COX7A2: variants seen among roughly 807,000 people sequenced by gnomAD.
COX7A2 encodes the protein cytochrome c oxidase subunit 7A2, mitochondrial.
COX7A2 carries 11 observed loss-of-function variants against 11.6 expected under a neutral mutation model. That is an observed-to-expected ratio of 0.95 (90% CI 0.60 to 1.57). The LOEUF (loss-of-function observed/expected upper bound fraction) is 1.57. COX7A2 is among the 40% of genes most tolerant of loss of function. The pLI is 0.00. For synonymous variants in COX7A2, 30 were observed against 38.2 expected (o/e 0.78, Z 0.79); for missense variants, 106 against 100.9 (o/e 1.05, Z -0.22).
chr6:75,248,081 C>CTTTTTTTTTTTTTTTTTT (rs905344722), upstream of COX7A2, among the ~76,000 whole-genome samples: 2 of 10,676 alleles, frequency 1.9e-4, 1 homozygote, highest in African/African-American at 6.0e-4. Context: ...CATCCTTTAT[C>CTTTTTTTTTTTTTTTTTT]TTTTTTTTTT....
At chr6:75,240,552 T>C in intron 2 of COX7A2, 167 bp from the exon 3 acceptor site, 1 of 494,776 alleles carries the variant, frequency 2.0e-6, no homozygotes, top group Non-Finnish European at 3.5e-6. Context: ...ATTCCGTCTC[T>C]ACTACTACTA....
chr6:75,245,252 G>A (rs954953938), upstream of COX7A2, among the ~76,000 whole-genome samples: 1 of 152,216 alleles, frequency 6.6e-6, no homozygotes, highest in Non-Finnish European at 1.5e-5. Flanking sequence ...AGTACTTTGG[G>A]AGGCCGAGGC....
upstream of COX7A2, among the ~76,000 whole-genome samples, chr6:75,246,420 A>C (rs773119370): frequency 6.6e-6 from 1 of 152,206 alleles, no homozygotes; most frequent in Non-Finnish European, 1.5e-5. Flanking sequence ...TATCTCCAAC[A>C]GTACTACTAC....
At chr6:75,245,953 G>T (rs960504540), upstream of COX7A2, among the ~76,000 whole-genome samples, 6 of 152,174 alleles carry the variant, frequency 3.9e-5, no homozygotes, top group African/African-American at 1.4e-4. Flanking sequence ...CTCCTTCGGT[G>T]GTTCTCCTAT....
chr6:75,246,865 C>T (rs946844414), upstream of COX7A2, among the ~76,000 whole-genome samples: 30 of 152,298 alleles, frequency 2.0e-4, no homozygotes, highest in African/African-American at 7.0e-4. Flanking sequence ...TGCATCTTCC[C>T]AGGCACACCA....
upstream of COX7A2, among the ~76,000 whole-genome samples, chr6:75,246,854 T>C (rs76930599): frequency 2.6e-5 from 4 of 152,320 alleles, no homozygotes; most frequent in African/African-American, 9.6e-5. Context: ...ACAAACTTTA[T>C]TGCATCTTCC....
chr6:75,250,202 T>C (rs372278417), exon 1 of COX7A2: 3 of 152,224 alleles, frequency 2.0e-5, no homozygotes, highest in East Asian at 1.9e-4. Context: ...GGTTAATTCA[T>C]TATTAACCTT....
In COX7A2 at chr6:75,238,033, T is replaced by C. The variant is rs774891152; in HGVS notation, c.194-45A>G. 3.1e-6 allele frequency: 4 copies of C among 1,303,240 alleles called. No individual in the cohort carries two copies. The African/African-American group carries it at 5.8e-5, about 19-fold the overall frequency. The allele number at this position is 1,303,240 out of a possible 1,614,324, so 80.7% of individuals were successfully genotyped here. A position where few individuals can be genotyped will look rare whatever the true frequency, so the allele number is the denominator to read the frequency against. On this transcript the variant is annotated intron_variant, in intron 3 of 3. Transcript: ENST00000684430. ...AAGAACTTAACCATAAATTCTAAGA[T>C]CTAAGTGTATAAATTTAATATTCCA...
chr6:75,249,048 G>A (rs1384975174), intron 1 of COX7A2, among the ~76,000 whole-genome samples: 2 of 152,174 alleles, frequency 1.3e-5, no homozygotes, highest in African/African-American at 2.4e-5. Context: ...ACGAGGTCAA[G>A]AGATCGAGAC....
At chr6:75,243,391 G>A (rs1489060117) in intron 1 of COX7A2, among the ~76,000 whole-genome samples, 1 of 152,002 alleles carries the variant, frequency 6.6e-6, no homozygotes, top group Non-Finnish European at 1.5e-5. Flanking sequence ...CCCCACCTGG[G>A]TCTTGGTTTT....
Position 75,241,205 on chromosome 6 carries a change from T to C in COX7A2, c.79A>G (p.Lys27Glu). The change falls in exon 2 of 4, where the codon AAA (lysine) becomes GAA (glutamate). Residue 27 changes from lysine (K) to glutamate (E), a missense_variant. Lys to Glu is a moderately conservative substitution (Grantham distance 56). Coordinates refer to ENST00000684430, the MANE Select transcript of COX7A2 (RefSeq NM_001366293.2). ...AACAGTTTTTGCTTCTCCGGAACTT[T>C]ATTTTTAAAATGCCTGCGGGAAGCA... ...STASRRHFKN[K>E]VPEKQKLFQE... is the part of the protein sequence containing the mutation. The C allele has an allele frequency of 1.3e-6, 2 of 1,598,930 alleles. No homozygotes were observed. Among genetic ancestry groups the C allele is most frequent in the Non-Finnish European group, 1.7e-6 (2 of 1,168,566 alleles).
chr6:75,249,823 A>G (rs1771752384), intron 1 of COX7A2, among the ~76,000 whole-genome samples: 1 of 152,222 alleles, frequency 6.6e-6, no homozygotes, highest in African/African-American at 2.4e-5. Context: ...CTATTTCAAG[A>G]TCGTTCTAGT....
intron 3 of COX7A2, among the ~76,000 whole-genome samples, chr6:75,238,376 G>A (rs1046133627): frequency 1.3e-5 from 2 of 151,768 alleles, no homozygotes; most frequent in African/African-American, 4.8e-5. Flanking sequence ...AAAAAAGAGT[G>A]ATATAATTTT....
Position 75,243,738 on chromosome 6 carries a change from G to A in COX7A2, c.-4C>T, listed in dbSNP as rs185927468. 1.9e-6 allele frequency: 3 copies of A among 1,613,884 alleles called. No individual in the cohort carries two copies. The highest frequency in any genetic ancestry group is 2.5e-6 in the Non-Finnish European group (3 of 1,179,852). ...TCACCAGCAGATTCCGCAGCATCTT[G>A]GCTGTTACTGACCAGCAACCGCCAC... On this transcript the variant is annotated 5_prime_UTR_variant, in exon 1 of 4. Coordinates refer to ENST00000684430, the MANE Select transcript of COX7A2 (RefSeq NM_001366293.2).
intron 3 of COX7A2, among the ~76,000 whole-genome samples, chr6:75,240,056 G>A (rs1017999813): frequency 6.6e-5 from 10 of 151,886 alleles, no homozygotes; most frequent in South Asian, 2.1e-4. Context: ...AGCCGAGATC[G>A]CGCCATTGCA....
rs180771375 is a variant in COX7A2 at position 75,238,868 on chromosome 6, T to C, written c.194-880A>G. ...TCTCCCTCTGTCGCCCAGGCTGGAG[T>C]GCAGTGACACAATCTGAGCTCACTG... On this transcript the variant is annotated intron_variant, in intron 3 of 3. Coordinates refer to ENST00000684430, the MANE Select transcript of COX7A2 (RefSeq NM_001366293.2). 2.1e-4 allele frequency among the ~76,000 whole-genome samples: 32 copies of C among 151,754 alleles called. 1 individual carries two copies. The Middle Eastern group carries it at 0.01, about 49-fold the overall frequency.
At chr6:75,247,917 G>T (rs550895651), upstream of COX7A2, among the ~76,000 whole-genome samples, 1 of 152,020 alleles carries the variant, frequency 6.6e-6, no homozygotes, top group Non-Finnish European at 1.5e-5. Flanking sequence ...GGAAAAATCC[G>T]CATTCTATAG....
intron 3 of COX7A2, among the ~76,000 whole-genome samples, chr6:75,240,038 T>C (rs1435564099): frequency 6.6e-6 from 1 of 151,516 alleles, no homozygotes; most frequent in Non-Finnish European, 1.5e-5. Context: ...GAGGCAGAGG[T>C]TGCAGTGAGC....
chr6:75,240,731 C>T (rs1771474207), intron 2 of COX7A2: 1 of 197,916 alleles, frequency 5.1e-6, no homozygotes, highest in South Asian at 1.3e-4. Context: ...ATAATTGCCA[C>T]ACATTAGATT....
Sources: gnomAD v4.1 joint callset for allele counts (sites outside exome capture counted in the v4.1 genomes callset) on GRCh38, gnomAD v4.1.1 for gene constraint, MANE v1.5 for transcripts, NCBI Gene and HGNC (gene_info 2026-07-23, HGNC 2026-07-21) for gene names.